Variants in TAFA2 observed in about 807,000 individuals in gnomAD.
The protein encoded by TAFA2 is TAFA chemokine like family member 2, also known as chemokine-like protein TAFA-2.
A neutral mutation model predicts 18.8 loss-of-function variants in TAFA2; 7 were observed. The ratio of observed to expected loss-of-function variants is 0.37; its 90% confidence interval spans 0.21 to 0.70. The LOEUF is 0.70. TAFA2 is among the 30% of genes least tolerant of loss of function. TAFA2 has a pLI of 0.53. For synonymous variants in TAFA2, 60 were observed against 54.2 expected (o/e 1.11, Z -0.47); for missense variants, 122 against 158.1 (o/e 0.77, Z 1.23).
intron 2 of TAFA2, among the ~76,000 whole-genome samples, chr12:61,788,832 A>G (rs1168285399): frequency 2.0e-5 from 3 of 151,992 alleles, no homozygotes; most frequent in East Asian, 3.9e-4. Context: ...TCAAGATTGA[A>G]ACAGGAAAAA....
intron 1 of TAFA2, among the ~76,000 whole-genome samples, chr12:62,111,908 T>C (rs1869749788): frequency 6.6e-6 from 1 of 152,356 alleles, no homozygotes; most frequent in South Asian, 2.1e-4. Flanking sequence ...GTCTCTTGAA[T>C]ACAGAACACT....
chr12:61,926,276 C>T (rs1175197206), intron 1 of TAFA2, among the ~76,000 whole-genome samples: 1 of 152,226 alleles, frequency 6.6e-6, no homozygotes, highest in Non-Finnish European at 1.5e-5. Context: ...CAAAGAGGAG[C>T]TGGTACCATT....
At chr12:62,170,448 T>G (rs564604851) in intron 1 of TAFA2, among the ~76,000 whole-genome samples, 1 of 152,308 alleles carries the variant, frequency 6.6e-6, no homozygotes, top group Admixed American at 6.5e-5. Context: ...GTCCAACTTG[T>G]ACATCAAGTC....
At chr12:62,092,707 G>A (rs35488183) in intron 1 of TAFA2, among the ~76,000 whole-genome samples, 28,235 of 151,896 alleles carry the variant, frequency 0.19, 2,876 homozygotes, top group East Asian at 0.39. Flanking sequence ...TAAGTGAATG[G>A]ATAAATCAAC....
At position 62,108,448 on chromosome 12, in the gene TAFA2, G is replaced by A. The variant is rs116040142; in HGVS notation, c.-2+82811C>T. Among the ~76,000 whole-genome samples, 710 of 152,216 alleles carry A rather than the reference G, an allele frequency of 4.7e-3. 6 individuals are homozygous for A. Among genetic ancestry groups the A allele is most frequent in the African/African-American group, 0.016 (659 of 41,538 alleles). Reference sequence around the variant, plus strand: ...TATTGTGAACAATGGTGCATTAAATGTACATGTGTATATGTCTTTACAGTA... The same window carrying A: ...TATTGTGAACAATGGTGCATTAAATATACATGTGTATATGTCTTTACAGTA... On this transcript the variant is annotated intron_variant, in intron 1 of 4. Coordinates refer to ENST00000416284, the MANE Select transcript of TAFA2 (RefSeq NM_178539.5).
intron 2 of TAFA2, among the ~76,000 whole-genome samples, chr12:61,811,461 A>T (rs1871865773): frequency 6.6e-6 from 1 of 151,502 alleles, no homozygotes; most frequent in Admixed American, 6.6e-5. Context: ...TCATTAAATT[A>T]GGAAGTTTTT....
chr12:61,935,637 A>G (rs997511870), intron 1 of TAFA2, among the ~76,000 whole-genome samples: 1 of 152,344 alleles, frequency 6.6e-6, no homozygotes, highest in African/African-American at 2.4e-5. Flanking sequence ...ATAGAAAAAT[A>G]GTGAATATTT....
At chr12:61,845,612 G>T (rs972911116) in intron 2 of TAFA2, among the ~76,000 whole-genome samples, 1 of 152,148 alleles carries the variant, frequency 6.6e-6, no homozygotes, top group African/African-American at 2.4e-5. Flanking sequence ...GTTCAGATTT[G>T]AGACATTTTT....
intron 1 of TAFA2, among the ~76,000 whole-genome samples, chr12:62,091,561 C>G (rs1183132635): frequency 2.0e-5 from 3 of 151,872 alleles, no homozygotes; most frequent in African/African-American, 7.3e-5. Flanking sequence ...ACCCATGAAG[C>G]TGAGGTGGTA....
intron 1 of TAFA2, among the ~76,000 whole-genome samples, chr12:62,103,747 G>GA (rs112510582): frequency 0.21 from 26,073 of 123,836 alleles, 2,500 homozygotes; most frequent in Non-Finnish European, 0.26. Context: ...TTCTCAAAAA[G>GA]AAAAAAAAAA....
chr12:61,819,135 A>T (rs1029471215), intron 2 of TAFA2, among the ~76,000 whole-genome samples: 5 of 152,184 alleles, frequency 3.3e-5, no homozygotes, highest in Admixed American at 2.6e-4. Flanking sequence ...TCTAGTAAAA[A>T]TAGAACAATA....
chr12:62,160,754 A>T (rs1244190284), intron 1 of TAFA2, among the ~76,000 whole-genome samples: 1 of 152,008 alleles, frequency 6.6e-6, no homozygotes, highest in African/African-American at 2.4e-5. Flanking sequence ...ATTTCCTCCC[A>T]CGTTCTATAC....
chr12:62,011,989 C>A (rs1196299595), intron 1 of TAFA2, among the ~76,000 whole-genome samples: 2 of 152,118 alleles, frequency 1.3e-5, no homozygotes, highest in African/African-American at 4.8e-5. Context: ...GAGAATAGAT[C>A]CCTAATAGTG....
intron 1 of TAFA2, among the ~76,000 whole-genome samples, chr12:62,079,815 T>A (rs1258280791): frequency 6.6e-6 from 1 of 152,230 alleles, no homozygotes; most frequent in Non-Finnish European, 1.5e-5. Flanking sequence ...AAAAAGTGCA[T>A]CAAGCAGCAC....
chr12:61,869,573 T>A (rs1314737337), intron 1 of TAFA2, among the ~76,000 whole-genome samples: 1 of 152,174 alleles, frequency 6.6e-6, no homozygotes, highest in Non-Finnish European at 1.5e-5. Flanking sequence ...TAGATTTTTT[T>A]AACAAGAGGC....
intron 1 of TAFA2, among the ~76,000 whole-genome samples, chr12:62,034,367 G>C (rs959096760): frequency 1.8e-4 from 28 of 152,118 alleles, no homozygotes; most frequent in African/African-American, 6.3e-4. Context: ...CCTCGGAAAG[G>C]GCCAATGATT....
chr12:61,761,414 TG>T (rs1869542030), intron 2 of TAFA2, among the ~76,000 whole-genome samples: 1 of 152,036 alleles, frequency 6.6e-6, no homozygotes, highest in African/African-American at 2.4e-5. Context: ...TATGAAAATA[TG>T]GGTTCACAGT....
chr12:62,246,928 TG>T (rs1401949148), intron 1 of TAFA2, among the ~76,000 whole-genome samples: 4 of 146,244 alleles, frequency 2.7e-5, no homozygotes, highest in African/African-American at 4.9e-5. Context: ...TGTTTTGTTT[TG>T]TTTTTTTTAA....
intron 3 of TAFA2, 94 bp from the exon 4 acceptor site, chr12:61,753,840 C>A: frequency 8.6e-7 from 1 of 1,159,622 alleles, no homozygotes. Context: ...ACTAATTTTT[C>A]CTACCAGTGG....
Sources: allele counts gnomAD v4.1 joint callset (sites outside exome capture counted in the v4.1 genomes callset), GRCh38; gene constraint gnomAD v4.1.1; transcripts MANE v1.5; gene names NCBI Gene and HGNC (gene_info 2026-07-23, HGNC 2026-07-21).